Variants in GPATCH3 observed in about 807,000 individuals in gnomAD.
The protein encoded by GPATCH3 is G-patch domain containing 3.
GPATCH3 carries 45 observed loss-of-function variants against 53.2 expected under a neutral mutation model. The observed-to-expected ratio is 0.85, with a 90% CI of 0.67 to 1.08. The LOEUF is 1.08. Among genes scored for constraint, GPATCH3 ranks in the 50% least tolerant of loss-of-function variants. The pLI is 0.00. For missense variants in GPATCH3, 680 were observed against 687.2 expected (o/e 0.99, Z 0.12); for synonymous variants, 280 against 270.6 (o/e 1.03, Z -0.34).
Position 26,900,054 on chromosome 1 carries a change from T to G in GPATCH3, c.389A>C (p.His130Pro), listed in dbSNP as rs2124035895. 6.2e-7 allele frequency: 1 copy of G among 1,614,142 alleles called. No individual in the cohort carries two copies. Among genetic ancestry groups the G allele is most frequent in the Non-Finnish European group, 8.5e-7 (1 of 1,180,024 alleles). The change falls in exon 1 of 7, where the codon CAC becomes CCC. Residue 130 changes from histidine to proline, a missense_variant. His to Pro is a moderately conservative substitution (Grantham distance 77). Coordinates refer to ENST00000361720, the MANE Select transcript of GPATCH3 (RefSeq NM_022078.3). The stretch of plus-strand genomic sequence containing the variant: ...ACAGCGACCCGGTAGCCAAGTCCCG[T>G]GAGAATCCAGCCACCGGCGGCCCGA... ...MYSGRRWLDS[H>P]GTWLPGRCLI...
chr1:26,892,346 A>G lies in GPATCH3; in HGVS notation c.1361+65T>C, dbSNP rs748427362. ...CAGCAGCCATGCCAAAACCAGTGGG[A>G]AGAGGGAAACCAGGGCATAGCTGAA... On this transcript the variant is annotated intron_variant, in intron 6 of 6. Coordinates refer to ENST00000361720, the MANE Select transcript of GPATCH3 (RefSeq NM_022078.3). The G allele has an allele frequency of 2.9e-4, 461 of 1,573,626 alleles. 1 individual carries two copies. The highest frequency in any genetic ancestry group is 3.8e-4 in the Non-Finnish European group (438 of 1,149,642).
Position 26,900,308 on chromosome 1 carries a change from G to C in GPATCH3, c.135C>G (p.Leu45=). ...CAGGCCGATGCCGGTAGTGGAAACA[G>C]AGGAAGCCACCGCCGCGCTCTTCTC... ...QFREERGGGF[L]CFHYRHRPER... Residue 45 remains leucine (L), a synonymous_variant, in exon 1 of 7, where the codon CTC becomes CTG. Transcript: ENST00000361720. 1 of 1,614,096 alleles carries C rather than the reference G, an allele frequency of 6.2e-7. No homozygotes were observed. Among genetic ancestry groups the C allele is most frequent in the Non-Finnish European group, 8.5e-7 (1 of 1,180,044 alleles).
Position 26,891,138 on chromosome 1 carries a change from G to A in GPATCH3, c.1450C>T (p.Pro484Ser). ...GACTCCGTCTGGTCTTGGGGTAGAGGCTCATCATAGATGGTGGAGATGAGC... is the reference window on the plus strand; with the variant it reads ...GACTCCGTCTGGTCTTGGGGTAGAGACTCATCATAGATGGTGGAGATGAGC... ...LGLISTIYDE[P>S]LPQDQTESLL... The change falls in exon 7 of 7, where the codon CCT becomes TCT. Residue 484 changes from proline (P) to serine (S), a missense_variant. Coordinates refer to ENST00000361720, the MANE Select transcript of GPATCH3 (RefSeq NM_022078.3). 1 of 1,614,138 alleles carries A rather than the reference G, an allele frequency of 6.2e-7. No homozygotes were observed. Among genetic ancestry groups the A allele is most frequent in the Non-Finnish European group, 8.5e-7 (1 of 1,180,022 alleles).
At chr1:26,894,491 T>C (rs1261643336) in intron 2 of GPATCH3, 81 bp from the exon 3 acceptor site, 2 of 1,361,826 alleles carry the variant, frequency 1.5e-6, no homozygotes, top group Admixed American at 2.0e-5. Context: ...ACAGGAGGCA[T>C]GTGTGGCTAG....
At chr1:26,898,873 C>T (rs1246496632) in intron 1 of GPATCH3, among the ~76,000 whole-genome samples, 1 of 152,122 alleles carries the variant, frequency 6.6e-6, no homozygotes, top group African/African-American at 2.4e-5. Flanking sequence ...CCATGTTGCC[C>T]AGGCTGGTAT....
At chr1:26,898,134 AAAAT>A (rs1028037572) in intron 1 of GPATCH3, among the ~76,000 whole-genome samples, 14 of 152,080 alleles carry the variant, frequency 9.2e-5, no homozygotes, top group African/African-American at 3.4e-4. Context: ...CCCTGTCTCA[AAAAT>A]AAATAAATAA....
chr1:26,891,897 CAG>C (rs1016125110), intron 6 of GPATCH3, among the ~76,000 whole-genome samples: 9 of 152,278 alleles, frequency 5.9e-5, no homozygotes, highest in African/African-American at 1.9e-4. Flanking sequence ...TTAGTAGACA[CAG>C]GGTTTCACCA....
At position 26,900,138 on chromosome 1, in the gene GPATCH3, C is replaced by T; in HGVS notation, c.305G>A (p.Cys102Tyr). Residue 102 changes from cysteine (C) to tyrosine (Y), a missense_variant, in exon 1 of 7, where the codon TGC becomes TAC. Physicochemically the swap from Cys to Tyr is radical, Grantham distance 194. Coordinates refer to ENST00000361720, the MANE Select transcript of GPATCH3 (RefSeq NM_022078.3). ...CCCCCTTACCGAGATGACGCAGCAGCAGGTGCGGGTCTGGATTGGAGTAGA... is the reference window on the plus strand; with the variant it reads ...CCCCCTTACCGAGATGACGCAGCAGTAGGTGCGGGTCTGGATTGGAGTAGA... Reference protein sequence around the residue: ...RDSTPIQTRTCCCVISVRGLA... With the variant: ...RDSTPIQTRTYCCVISVRGLA... The T allele has an allele frequency of 1.9e-6, 3 of 1,614,176 alleles. 1 individual carries two copies. The highest frequency in any genetic ancestry group is 2.2e-5 in the South Asian group (2 of 91,084).
At chr1:26,891,259 G>A (rs764844234) in intron 6 of GPATCH3, 33 bp from the exon 7 acceptor site, 26 of 1,544,246 alleles carry the variant, frequency 1.7e-5, no homozygotes, top group Non-Finnish European at 2.2e-5. Flanking sequence ...TGAGAAGGCT[G>A]CTCTCAAACT....
intron 2 of GPATCH3, 53 bp from the exon 3 acceptor site, chr1:26,894,463 G>A (rs2081942436): frequency 1.9e-6 from 3 of 1,571,210 alleles, no homozygotes; most frequent in African/African-American, 1.3e-5. Context: ...CATGCCCCGA[G>A]GGAGGGAAGC....
chr1:26,890,846 A>G lies in GPATCH3; in HGVS notation c.*164T>C, dbSNP rs1363900750. 3.8e-6 allele frequency: 3 copies of G among 799,596 alleles called. No individual in the cohort carries two copies. In the African/African-American group the frequency reaches 5.0e-5, roughly 13 times the overall value. 49.5% of individuals were successfully genotyped at this position (799,596 alleles called of 1,614,324 possible). Reference sequence around the variant, plus strand: ...GGGACGGGAGGGGGCTTTTTGTAAAAATGCCCCTGAGGTATAGAACCGGCA... The same window carrying G: ...GGGACGGGAGGGGGCTTTTTGTAAAGATGCCCCTGAGGTATAGAACCGGCA... On this transcript the variant is annotated 3_prime_UTR_variant, in exon 7 of 7. Transcript: ENST00000361720.
chr1:26,899,964 C>T, intron 1 of GPATCH3, 28 bp downstream of exon 1: 1 of 1,604,516 alleles, frequency 6.2e-7, no homozygotes, highest in East Asian at 2.2e-5. Flanking sequence ...GGCCCGTAGG[C>T]CCAGTCTATT....
At chr1:26,893,489 C>T (rs1479122644) in intron 3 of GPATCH3, 41 bp from the exon 4 acceptor site, 5 of 1,301,324 alleles carry the variant, frequency 3.8e-6, no homozygotes, top group South Asian at 1.2e-5. Context: ...ACATTAAGGA[C>T]TCTCAGTTCT....
chr1:26,891,067 G>A lies in GPATCH3; in HGVS notation c.1521C>T (p.Asp507=). ...QPPTSMKFRT[D]MAFVRGSSCA... ...AACTGGAACCCCTCACAAAGGCCATGTCTGTCCGAAACTTCATGCTGGTGG... is the reference window on the plus strand; with the variant it reads ...AACTGGAACCCCTCACAAAGGCCATATCTGTCCGAAACTTCATGCTGGTGG... The change falls in exon 7 of 7, where the codon GAC becomes GAT. Residue 507 remains aspartate (D), a synonymous_variant. Coordinates refer to ENST00000361720, the MANE Select transcript of GPATCH3 (RefSeq NM_022078.3). The A allele has an allele frequency of 1.2e-6, 2 of 1,614,178 alleles. No individual in the cohort carries two copies. Among genetic ancestry groups the A allele is most frequent in the Non-Finnish European group, 1.7e-6 (2 of 1,180,026 alleles).
chr1:26,890,984 G>C lies in GPATCH3; in HGVS notation c.*26C>G. The C allele has an allele frequency of 6.3e-7, 1 of 1,589,074 alleles. No individual in the cohort carries two copies. The highest frequency in any genetic ancestry group is 1.3e-5 in the African/African-American group (1 of 74,496). ...CAGGGCAGAGGGTTTTCATCATGTA[G>C]CTATGAAAGGAAGCCCCCAACCCGG... On this transcript the variant is annotated 3_prime_UTR_variant, in exon 7 of 7. Transcript: ENST00000361720.
In GPATCH3 at chr1:26,894,256, A is replaced by G. The variant is rs1322630807; in HGVS notation, c.1031T>C (p.Phe344Ser). The G allele has an allele frequency of 1.3e-5, 21 of 1,613,888 alleles. No homozygotes were observed. Among genetic ancestry groups the G allele is most frequent in the Non-Finnish European group, 1.8e-5 (21 of 1,179,964 alleles). Residue 344 changes from phenylalanine to serine, a missense_variant, in exon 3 of 7, where the codon TTC becomes TCC. Phe to Ser is a radical substitution (Grantham distance 155, BLOSUM62 -2). Transcript: ENST00000361720. ...ATTACCTCCTTCTTCCTCCTGCCAG[A>G]ACTGGGCATCAGTATAAAACACCAG... ...SGLVFYTDAQ[F>S]WQEEEGDFDE...
rs1397724346 is a variant in GPATCH3 at position 26,892,482 on chromosome 1, G to A, written c.1290C>T (p.Gly430=). 3.1e-6 allele frequency: 5 copies of A among 1,613,906 alleles called. No homozygotes were observed. The highest frequency in any genetic ancestry group is 1.3e-5 in the African/African-American group (1 of 74,922). Residue 430 remains glycine (G), a synonymous_variant, in exon 6 of 7, where the codon GGC becomes GGT. Coordinates refer to ENST00000361720, the MANE Select transcript of GPATCH3 (RefSeq NM_022078.3). ...RQGWAEGQGL[G]CRCSGVPEAL... is the part of the protein sequence containing the mutation. The stretch of plus-strand genomic sequence containing the variant: ...CCTCAGGCACCCCTGAGCACCTGCA[G>A]CCCAGGCCCTGGCCCTCAGCCCAGC...
In GPATCH3 at chr1:26,892,135, G is replaced by A. The variant is rs868824500; in HGVS notation, c.1361+276C>T. 4.6e-5 allele frequency among the ~76,000 whole-genome samples: 7 copies of A among 152,104 alleles called. No individual in the cohort carries two copies. In the South Asian group the frequency reaches 1.0e-3, roughly 23 times the overall value. Reference sequence around the variant, plus strand: ...TGGGATTACAGGCGTGAGCTACCACGCCCGGACTTTTTATTTTTCTAACAG... The same window carrying A: ...TGGGATTACAGGCGTGAGCTACCACACCCGGACTTTTTATTTTTCTAACAG... On this transcript the variant is annotated intron_variant, in intron 6 of 6. Transcript: ENST00000361720.
intron 6 of GPATCH3, among the ~76,000 whole-genome samples, chr1:26,891,954 G>A (rs973120780): frequency 1.3e-5 from 2 of 151,956 alleles, no homozygotes; most frequent in Non-Finnish European, 2.9e-5. Context: ...TGATCCACCC[G>A]CCTCAGCCTC....
Sources: allele counts gnomAD v4.1 joint callset (sites outside exome capture counted in the v4.1 genomes callset), GRCh38; gene constraint gnomAD v4.1.1; transcripts MANE v1.5; gene names NCBI Gene and HGNC (gene_info 2026-07-23, HGNC 2026-07-21).